DNAH6: variants seen among roughly 807,000 people sequenced by gnomAD.
DNAH6 encodes the protein dynein axonemal heavy chain 6.
In DNAH6, 340 loss-of-function variants were observed where a neutral mutation model predicts 491.4. That is an observed-to-expected ratio of 0.69 (90% CI 0.63 to 0.76). DNAH6 has a LOEUF of 0.76. Ranked by LOEUF, DNAH6 falls within the 30% of genes least tolerant of loss-of-function variation. DNAH6 has a pLI of 0.00. For synonymous variants in DNAH6, 1,603 were observed against 1,686.1 expected (o/e 0.95, Z 1.21); for missense variants, 4,443 against 4,972.2 (o/e 0.89, Z 3.20).
intron 73 of DNAH6, 88 bp downstream of exon 73, chr2:84,812,614 C>G: frequency 1.9e-6 from 2 of 1,046,010 alleles, no homozygotes; most frequent in Non-Finnish European, 2.8e-6. Context: ...AAGATATCCA[C>G]AGTCACTGAT....
At chr2:84,589,158 A>T (rs755227493) in intron 16 of DNAH6, among the ~76,000 whole-genome samples, 2 of 152,234 alleles carry the variant, frequency 1.3e-5, no homozygotes, top group African/African-American at 4.8e-5. Flanking sequence ...TGAGATACCG[A>T]ATATCTTTCT....
chr2:84,604,541 T>C lies in DNAH6; in HGVS notation c.3071T>C (p.Ile1024Thr), dbSNP rs1466779534. ...TCTGGAGAAGCTGCCTTAGAAGCAA[T>C]TCTTAAAAAGGTAAATCTGGAATAT... ...QASGEAALEA[I>T]LKKVEDSWKT... The change falls in exon 19 of 77, where the codon ATT becomes ACT. Residue 1024 changes from isoleucine to threonine, a missense_variant. By Grantham distance (89) the Ile-to-Thr change is moderately conservative. Around this residue, in one of 3 missense-constraint regions of DNAH6, gnomAD observed 2,977 missense variants for 3,296.6 expected, o/e 0.90. Coordinates refer to ENST00000389394, the MANE Select transcript of DNAH6 (RefSeq NM_001370.2). The C allele has an allele frequency of 4.5e-6, 7 of 1,550,920 alleles. No individual in the cohort carries two copies. The highest frequency in any genetic ancestry group is 6.1e-6 in the Non-Finnish European group (7 of 1,146,502).
At chr2:84,763,714 A>ATGTGTGTGTGTGTGTG (rs70953906) in intron 64 of DNAH6, among the ~76,000 whole-genome samples, 5 of 126,824 alleles carry the variant, frequency 3.9e-5, no homozygotes, top group African/African-American at 5.8e-5. Flanking sequence ...AACTGATAGG[A>ATGTGTGTGTGTGTGTG]TGTGTGTGTG....
chr2:84,472,382 C>T, the DNAH6 span, among the ~76,000 whole-genome samples: 1 of 151,708 alleles, frequency 6.6e-6, no homozygotes, highest in East Asian at 1.9e-4. Context: ...TTCTGGGATT[C>T]CCAAAACACA....
At chr2:84,723,920 G>A (rs146125165) in intron 60 of DNAH6, among the ~76,000 whole-genome samples, 2 of 152,208 alleles carry the variant, frequency 1.3e-5, no homozygotes, top group East Asian at 3.9e-4. Context: ...AGACTTCCAG[G>A]GAAGACAGAG....
intron 15 of DNAH6, among the ~76,000 whole-genome samples, chr2:84,587,723 C>G (rs1683706149): frequency 1.3e-5 from 2 of 152,170 alleles, no homozygotes; most frequent in Non-Finnish European, 2.9e-5. Context: ...ATCTAAACTT[C>G]CTATTGGGCG....
chr2:84,515,185 G>C (rs1186331995), upstream of DNAH6, among the ~76,000 whole-genome samples: 4 of 152,088 alleles, frequency 2.6e-5, no homozygotes, highest in Admixed American at 6.5e-5. Flanking sequence ...TTTACTAGCT[G>C]ACTAGTTTTG....
chr2:84,612,136 A>T (rs554996601), intron 22 of DNAH6, among the ~76,000 whole-genome samples: 1 of 151,952 alleles, frequency 6.6e-6, no homozygotes, highest in African/African-American at 2.4e-5. Context: ...TGATTGGGGG[A>T]TGTTGCTTCC....
intron 29 of DNAH6, among the ~76,000 whole-genome samples, chr2:84,630,362 T>C (rs1688289939): frequency 6.6e-6 from 1 of 152,168 alleles, no homozygotes. Flanking sequence ...TGTTATGATA[T>C]ACAAGCTATG....
intron 71 of DNAH6, among the ~76,000 whole-genome samples, chr2:84,807,658 T>G (rs964227832): frequency 5.3e-5 from 8 of 152,186 alleles, no homozygotes; most frequent in Non-Finnish European, 1.0e-4. Flanking sequence ...GTCTCTGGAA[T>G]GTTCCTTGTC....
chr2:84,575,756 G>A (rs1369429729), intron 12 of DNAH6, among the ~76,000 whole-genome samples: 1 of 152,054 alleles, frequency 6.6e-6, no homozygotes, highest in East Asian at 1.9e-4. Context: ...TGGTGGCGGG[G>A]GCCTGTGGTC....
intron 4 of DNAH6, among the ~76,000 whole-genome samples, chr2:84,533,578 C>A (rs540570994): frequency 1.3e-5 from 2 of 152,216 alleles, no homozygotes; most frequent in South Asian, 2.1e-4. Context: ...TTTCCAGCAT[C>A]TTATGATTTT....
intron 29 of DNAH6, among the ~76,000 whole-genome samples, chr2:84,631,008 C>T (rs774124032): frequency 3.9e-5 from 6 of 152,042 alleles, no homozygotes; most frequent in Non-Finnish European, 5.9e-5. Context: ...AGAAATAACA[C>T]CAAAACTTAT....
chr2:84,498,828 G>A, the DNAH6 span, among the ~76,000 whole-genome samples: 1 of 152,072 alleles, frequency 6.6e-6, no homozygotes, highest in Non-Finnish European at 1.5e-5. Context: ...GACTGGGTTA[G>A]CTGTCAAATG....
intron 37 of DNAH6, among the ~76,000 whole-genome samples, chr2:84,660,761 A>G (rs570074958): frequency 1.3e-5 from 2 of 152,304 alleles, no homozygotes; most frequent in African/African-American, 4.8e-5. Flanking sequence ...TCAAAAATGT[A>G]TAACTCGATT....
chr2:84,517,726 T>C (rs1273745267), intron 1 of DNAH6, 93 bp from the exon 2 acceptor site: 1 of 937,056 alleles, frequency 1.1e-6, no homozygotes, highest in Non-Finnish European at 1.6e-6. Flanking sequence ...CGAATTCAAC[T>C]CTTCCTAGTC....
At chr2:84,634,668 A>C (rs773347404) in intron 30 of DNAH6, 27 bp downstream of exon 30, 12 of 1,478,844 alleles carry the variant, frequency 8.1e-6, no homozygotes, top group Non-Finnish European at 9.9e-6. Context: ...TCGACTTTCA[A>C]GGTAGCAATC....
At chr2:84,784,242 G>T (rs1441694431) in intron 65 of DNAH6, among the ~76,000 whole-genome samples, 2 of 152,110 alleles carry the variant, frequency 1.3e-5, no homozygotes, top group African/African-American at 4.8e-5. Flanking sequence ...CACACATGAG[G>T]TCTCTCCATA....
chr2:84,750,719 A>C (rs1319507060), intron 63 of DNAH6: 3 of 152,102 alleles, frequency 2.0e-5, no homozygotes, highest in Non-Finnish European at 4.4e-5. Flanking sequence ...CCATAGTAAA[A>C]AAATATTTTG....
Sources: allele counts gnomAD v4.1 joint callset (sites outside exome capture counted in the v4.1 genomes callset), GRCh38; gene constraint gnomAD v4.1.1; regional missense constraint gnomAD v4.1.1; transcripts MANE v1.5; gene names NCBI Gene and HGNC (gene_info 2026-07-23, HGNC 2026-07-21).